The following SCIMP variants were observed in gnomAD, a reference collection of about 807,000 sequenced individuals.
The protein encoded by SCIMP is SLP adapter and CSK-interacting membrane protein.
A neutral mutation model predicts 22.0 loss-of-function variants in SCIMP; 18 were observed. The ratio of observed to expected loss-of-function variants is 0.82; its 90% CI spans 0.56 to 1.21. The LOEUF (loss-of-function observed/expected upper bound fraction) is 1.21. Ranked by LOEUF, SCIMP falls within the 50% of genes most tolerant of loss-of-function variation. The pLI is 0.00. For missense variants in SCIMP, 155 were observed against 171.2 expected, an observed-to-expected ratio of 0.91 and a Z score of 0.53; for synonymous variants, 53 against 62.2, an observed-to-expected ratio of 0.85 and a Z score of 0.70.
chr17:5,223,327 C>T lies in SCIMP; in HGVS notation c.145+6G>A, dbSNP rs1251906336. ...CCTCCACCTGCCTAGGTAAAATGGC[C>T]ATTACCTCGTCTAAGCTGCCACTTA... On this transcript the variant is annotated splice_donor_region_variant and intron_variant, in intron 2 of 4. Coordinates refer to ENST00000574081, the MANE Select transcript of SCIMP (RefSeq NM_207103.3). 11 of 1,613,514 alleles carry T rather than the reference C, an allele frequency of 6.8e-6. No individual in the cohort carries two copies. The highest frequency in any genetic ancestry group is 9.3e-6 in the Non-Finnish European group (11 of 1,179,778).
intron 1 of SCIMP, among the ~76,000 whole-genome samples, chr17:5,226,136 A>G (rs2074647016): frequency 6.6e-6 from 1 of 152,218 alleles, no homozygotes; most frequent in Non-Finnish European, 1.5e-5. Context: ...CGACCTGCGC[A>G]TTCAAAGCTG....
chr17:5,222,055 A>G (rs1289153120), intron 2 of SCIMP, among the ~76,000 whole-genome samples: 1 of 151,060 alleles, frequency 6.6e-6, no homozygotes, highest in Non-Finnish European at 1.5e-5. Flanking sequence ...CTGAGATTAC[A>G]GGCGTGGGCC....
At chr17:5,231,405 G>T (rs2074692984) in intron 1 of SCIMP, among the ~76,000 whole-genome samples, 1 of 151,700 alleles carries the variant, frequency 6.6e-6, no homozygotes, top group Non-Finnish European at 1.5e-5. Context: ...TCAGGAACTT[G>T]GGGTCAGCTC....
rs537745118 is a variant in SCIMP at position 5,232,045 on chromosome 17, G to A, written c.21+2690C>T. Among the ~76,000 whole-genome samples the A allele has an allele frequency of 1.5e-4, 22 of 145,164 alleles. No homozygotes were observed. In the South Asian group the frequency reaches 1.7e-3, roughly 11 times the overall value. On this transcript the variant is annotated intron_variant, in intron 1 of 4. Coordinates refer to ENST00000574081, the MANE Select transcript of SCIMP (RefSeq NM_207103.3). ...CACTCCAGCCTGGGCGACAGAGCGA[G>A]ACTCCGTCTCAAAAACAAAAAAAAA...
intron 3 of SCIMP, among the ~76,000 whole-genome samples, chr17:5,219,436 TG>T (rs2074589592): frequency 6.6e-6 from 1 of 151,992 alleles, no homozygotes; most frequent in Non-Finnish European, 1.5e-5. Context: ...AGACCAGCCA[TG>T]GCCAACATGG....
intron 3 of SCIMP, chr17:5,220,884 C>G (rs1025210888): frequency 3.0e-6 from 1 of 336,982 alleles, no homozygotes; most frequent in Non-Finnish European, 5.8e-6. Flanking sequence ...ATGGCGAAAC[C>G]CCATTTCTAC....
intron 1 of SCIMP, among the ~76,000 whole-genome samples, chr17:5,228,909 C>G (rs7222337): frequency 0.013 from 1,956 of 152,274 alleles, 39 homozygotes; most frequent in African/African-American, 0.045. Flanking sequence ...CTTTCCCCTG[C>G]TATAGATGGA....
chr17:5,229,833 T>TC (rs1280351195), intron 1 of SCIMP, among the ~76,000 whole-genome samples: 1 of 135,778 alleles, frequency 7.4e-6, no homozygotes, highest in African/African-American at 2.8e-5. Flanking sequence ...CCCCTCCCCT[T>TC]CCCCCATCTC....
At chr17:5,219,944 G>A (rs560996851) in intron 3 of SCIMP, among the ~76,000 whole-genome samples, 2 of 152,284 alleles carry the variant, frequency 1.3e-5, no homozygotes, top group East Asian at 3.9e-4. Context: ...ACAACTGCAA[G>A]CTTTGCCTGC....
intron 1 of SCIMP, among the ~76,000 whole-genome samples, chr17:5,224,270 G>A (rs1425663029): frequency 6.6e-6 from 1 of 151,784 alleles, no homozygotes; most frequent in African/African-American, 2.4e-5. Flanking sequence ...GAGTAGCTGG[G>A]ACTACAGGCG....
At position 5,210,794 on chromosome 17, in the gene SCIMP, G is replaced by A; in HGVS notation, c.*7C>T. The A allele has an allele frequency of 3.1e-6, 5 of 1,602,874 alleles. No homozygotes were observed. Among genetic ancestry groups the A allele is most frequent in the Non-Finnish European group, 4.2e-6 (5 of 1,177,302 alleles). Reference sequence around the variant, plus strand: ...TTCAGTTTTGCCAAAAAGAAGAAATGGCTGTTTCAAAATGATGCTTTTTCA... The same window carrying A: ...TTCAGTTTTGCCAAAAAGAAGAAATAGCTGTTTCAAAATGATGCTTTTTCA... On this transcript the variant is annotated 3_prime_UTR_variant, in exon 5 of 5. Coordinates refer to ENST00000574081, the MANE Select transcript of SCIMP (RefSeq NM_207103.3).
intron 1 of SCIMP, among the ~76,000 whole-genome samples, chr17:5,224,396 C>T (rs1057378039): frequency 6.6e-6 from 1 of 151,960 alleles, no homozygotes; most frequent in African/African-American, 2.4e-5. Context: ...CTCGGCCTCC[C>T]AAAGTGCTGG....
intron 1 of SCIMP, chr17:5,223,676 A>G (rs532854286): frequency 7.0e-5 from 33 of 468,482 alleles, no homozygotes; most frequent in African/African-American, 6.4e-4. Context: ...CAGCCTCCAG[A>G]GTAACGGGGA....
chr17:5,224,143 T>G (rs535492294), intron 1 of SCIMP, among the ~76,000 whole-genome samples: 15 of 152,236 alleles, frequency 9.9e-5, no homozygotes, highest in African/African-American at 3.4e-4. Context: ...GCAGGGTTGT[T>G]TTTTTTCTTG....
chr17:5,221,398 T>A, intron 2 of SCIMP, 48 bp from the exon 3 acceptor site: 1 of 1,452,292 alleles, frequency 6.9e-7, no homozygotes, highest in Non-Finnish European at 9.7e-7. Flanking sequence ...GCAAAAGTTG[T>A]GATTTTTTAA....
At chr17:5,226,104 A>G (rs2074646716) in intron 1 of SCIMP, among the ~76,000 whole-genome samples, 1 of 152,190 alleles carries the variant, frequency 6.6e-6, no homozygotes, top group Non-Finnish European at 1.5e-5. Flanking sequence ...AATACTCTTT[A>G]GAGCGATAGA....
chr17:5,234,678 C>A, intron 1 of SCIMP, 57 bp downstream of exon 1: 1 of 1,585,988 alleles, frequency 6.3e-7, no homozygotes, highest in South Asian at 1.1e-5. Context: ...CCAGCGCTGG[C>A]AGATGTCTGC....
intron 3 of SCIMP, among the ~76,000 whole-genome samples, chr17:5,220,432 CAAAAAAAAAAA>C (rs908309110): frequency 9.4e-5 from 6 of 63,736 alleles, no homozygotes; most frequent in Non-Finnish European, 1.6e-4. Context: ...ACCCCATCTC[CAAAAAAAAAAA>C]AAAAAAAAAA....
chr17:5,219,396 G>T (rs545157140), intron 3 of SCIMP, among the ~76,000 whole-genome samples: 4 of 152,080 alleles, frequency 2.6e-5, no homozygotes, highest in Non-Finnish European at 4.4e-5. Context: ...GGAGGCCAAG[G>T]TGGGTGGATC....
Sources: allele counts gnomAD v4.1 joint callset (sites outside exome capture counted in the v4.1 genomes callset), GRCh38; gene constraint gnomAD v4.1.1; transcripts MANE v1.5; gene names NCBI Gene and HGNC (gene_info 2026-07-23, HGNC 2026-07-21).